TBC1D1: variants seen among roughly 807,000 people sequenced by gnomAD.
The protein encoded by TBC1D1 is TBC1 domain family member 1, also known as TBC1 (tre-2/USP6, BUB2, cdc16) domain family, member 1.
A neutral mutation model predicts 125.6 loss-of-function variants in TBC1D1; 89 were observed. That is an observed-to-expected ratio of 0.71 (90% CI 0.60 to 0.85). The LOEUF (loss-of-function observed/expected upper bound fraction) is 0.85, where lower values mean the gene tolerates loss of function less well. TBC1D1 is among the 40% of genes least tolerant of loss of function. The probability of loss-of-function intolerance (pLI) is 0.00; values close to 1 mark genes in which losing one functional copy is unlikely to be tolerated. For synonymous variants in TBC1D1, 565 were observed against 564.1 expected (o/e 1.00, Z -0.02); for missense variants, 1,377 against 1,469.2 (o/e 0.94, Z 1.03).
At chr4:38,035,461 C>A in intron 7 of TBC1D1, 127 bp from the exon 8 acceptor site, 1 of 659,652 alleles carries the variant, frequency 1.5e-6, no homozygotes, top group South Asian at 2.1e-5. Context: ...ATCATTGGTG[C>A]CCCCTGGTGA....
chr4:37,987,237 ATTAAT>A (rs1282719557), intron 2 of TBC1D1, among the ~76,000 whole-genome samples: 1 of 152,098 alleles, frequency 6.6e-6, no homozygotes, highest in Admixed American at 6.5e-5. Context: ...AAGTCTCATA[ATTAAT>A]TTAATTCTCA....
intron 11 of TBC1D1, among the ~76,000 whole-genome samples, chr4:38,050,318 G>A (rs948021574): frequency 6.6e-6 from 1 of 152,210 alleles, no homozygotes; most frequent in East Asian, 1.9e-4. Context: ...TAGGGTGACA[G>A]GGGTGCTTCA....
intron 12 of TBC1D1, among the ~76,000 whole-genome samples, chr4:38,088,378 T>A (rs1241179587): frequency 6.6e-6 from 1 of 152,232 alleles, no homozygotes; most frequent in African/African-American, 2.4e-5. Context: ...TTTTTATTTT[T>A]AAAATATTTA....
chr4:37,918,288 GA>G (rs1047927781), intron 2 of TBC1D1, among the ~76,000 whole-genome samples: 3 of 152,280 alleles, frequency 2.0e-5, no homozygotes, highest in African/African-American at 7.2e-5. Context: ...AAAAAGAAAA[GA>G]AAAGCATGTT....
chr4:38,098,324 C>T (rs1759721668), intron 14 of TBC1D1, among the ~76,000 whole-genome samples: 1 of 152,214 alleles, frequency 6.6e-6, no homozygotes, highest in Non-Finnish European at 1.5e-5. Context: ...TTCACAGTTG[C>T]CTAGATGATC....
chr4:37,944,170 G>T (rs1345339683), intron 2 of TBC1D1, among the ~76,000 whole-genome samples: 1 of 152,196 alleles, frequency 6.6e-6, no homozygotes, highest in East Asian at 1.9e-4. Flanking sequence ...AACAGAAAAT[G>T]TTGCTGCCTG....
chr4:37,907,271 T>C (rs1717543425), intron 2 of TBC1D1, among the ~76,000 whole-genome samples: 1 of 152,270 alleles, frequency 6.6e-6, no homozygotes, highest in Admixed American at 6.5e-5. Flanking sequence ...TTTTATTTAA[T>C]GCTACAACTC....
intron 2 of TBC1D1, among the ~76,000 whole-genome samples, chr4:37,968,193 G>T (rs555347103): frequency 7.2e-5 from 11 of 152,208 alleles, no homozygotes; most frequent in Non-Finnish European, 1.5e-4. Flanking sequence ...GTAAATTTCT[G>T]TTTCAGCAAG....
At chr4:38,036,695 G>C (rs938739148) in intron 8 of TBC1D1, among the ~76,000 whole-genome samples, 1 of 152,124 alleles carries the variant, frequency 6.6e-6, no homozygotes, top group African/African-American at 2.4e-5. Context: ...TGGCAGTCAC[G>C]TGCCTTCCCT....
At chr4:37,922,727 A>G (rs1721273946) in intron 2 of TBC1D1, among the ~76,000 whole-genome samples, 1 of 152,160 alleles carries the variant, frequency 6.6e-6, no homozygotes, top group Non-Finnish European at 1.5e-5. Context: ...TACTGAATCA[A>G]TCAACAGCAC....
chr4:37,979,839 G>T (rs1293594625), intron 2 of TBC1D1, among the ~76,000 whole-genome samples: 1 of 152,242 alleles, frequency 6.6e-6, no homozygotes, highest in Non-Finnish European at 1.5e-5. Flanking sequence ...GAGTGCAATG[G>T]CACAATCTTG....
chr4:38,006,826 T>C (rs1379872214), intron 2 of TBC1D1: 1 of 515,264 alleles, frequency 1.9e-6, no homozygotes, highest in Admixed American at 2.0e-5. Flanking sequence ...CTTTCTTTGG[T>C]TTCCCCTTTC....
chr4:38,098,337 C>T (rs2152551105), intron 14 of TBC1D1, among the ~76,000 whole-genome samples: 1 of 152,358 alleles, frequency 6.6e-6, no homozygotes, highest in Non-Finnish European at 1.5e-5. Context: ...AGATGATCAC[C>T]TTCAGGTGTC....
intron 11 of TBC1D1, chr4:38,051,963 C>G: frequency 6.4e-7 from 1 of 1,550,784 alleles, no homozygotes. Context: ...TCCTGCTCCT[C>G]CACCTCGTCT....
At chr4:38,074,501 T>C (rs1019769532) in intron 12 of TBC1D1, among the ~76,000 whole-genome samples, 4 of 152,192 alleles carry the variant, frequency 2.6e-5, no homozygotes, top group African/African-American at 9.7e-5. Context: ...AAGCTGAGTG[T>C]GCAGCACTCG....
intron 2 of TBC1D1, among the ~76,000 whole-genome samples, chr4:37,913,651 G>GTT (rs1291874588): frequency 1.3e-5 from 2 of 151,024 alleles, no homozygotes; most frequent in Non-Finnish European, 2.9e-5. Context: ...GTGTGTGTGT[G>GTT]TGTATATATA....
chr4:38,098,178 C>T (rs555040891), intron 14 of TBC1D1, among the ~76,000 whole-genome samples: 12 of 152,342 alleles, frequency 7.9e-5, no homozygotes, highest in African/African-American at 2.6e-4. Context: ...AGCAGAGGAT[C>T]TTGGAGCTGT....
At position 38,137,424 on chromosome 4, in the gene TBC1D1, C is replaced by A; in HGVS notation, c.*89C>A. On this transcript the variant is annotated 3_prime_UTR_variant, in exon 20 of 20. Transcript: ENST00000261439. ...AAGACGCTGGAAGGAGAGAAGGAAG[C>A]GGGAAGTGTGCTTCTCAGGGAGGAA... The A allele has an allele frequency of 7.5e-7, 1 of 1,338,868 alleles. No individual in the cohort carries two copies. Among genetic ancestry groups the A allele is most frequent in the Non-Finnish European group, 9.6e-7 (1 of 1,040,936 alleles). 82.9% of individuals were successfully genotyped at this position (1,338,868 alleles called of 1,614,324 possible). A position where few individuals can be genotyped will look rare whatever the true frequency, so the allele number is the denominator to read the frequency against.
At chr4:37,944,429 A>G (rs9654135) in intron 2 of TBC1D1, among the ~76,000 whole-genome samples, 2,038 of 152,326 alleles carry the variant, frequency 0.013, 47 homozygotes, top group African/African-American at 0.047. Flanking sequence ...CCCTGCCTCC[A>G]GAGGTGGAGT....
Sources: gnomAD v4.1 joint callset for allele counts (sites outside exome capture counted in the v4.1 genomes callset) on GRCh38, gnomAD v4.1.1 for gene constraint, MANE v1.5 for transcripts, NCBI Gene and HGNC (gene_info 2026-07-23, HGNC 2026-07-21) for gene names.